NRXN3: variants seen among roughly 807,000 people sequenced by gnomAD.
The protein encoded by NRXN3 is neurexin 3, also known as neurexin III.
NRXN3 carries 32 observed loss-of-function variants against 137.6 expected under a neutral mutation model. The ratio of observed to expected loss-of-function variants is 0.23; its 90% CI spans 0.18 to 0.31. The LOEUF is 0.31. Ranked by LOEUF, NRXN3 falls within the 10% of genes least tolerant of loss-of-function variation. The pLI is 1.00. For missense variants in NRXN3, 1,574 were observed against 2,062.5 expected (o/e 0.76, Z 4.59); for synonymous variants, 798 against 784.5 (o/e 1.02, Z -0.29).
chr14:79,585,450 G>A (rs1420744788), intron 16 of NRXN3, among the ~76,000 whole-genome samples: 2 of 152,014 alleles, frequency 1.3e-5, no homozygotes, highest in African/African-American at 4.8e-5. Context: ...ACTTTGGGAG[G>A]CCAGGGCAGG....
chr14:78,909,348 GGGCT>G (rs1433478612), intron 10 of NRXN3, among the ~76,000 whole-genome samples: 11 of 152,192 alleles, frequency 7.2e-5, no homozygotes, highest in Admixed American at 5.2e-4. Context: ...ACAGTTTTTT[GGGCT>G]GCTCAAGGCA....
chr14:78,852,326 T>C (rs2099044871), intron 10 of NRXN3, among the ~76,000 whole-genome samples: 1 of 152,230 alleles, frequency 6.6e-6, no homozygotes, highest in Non-Finnish European at 1.5e-5. Context: ...TTCTTGTTGC[T>C]GCTGTTGTAG....
intron 19 of NRXN3, among the ~76,000 whole-genome samples, chr14:79,797,162 T>C (rs1568284670): frequency 6.6e-6 from 1 of 152,136 alleles, no homozygotes; most frequent in Non-Finnish European, 1.5e-5. Flanking sequence ...TTAATTCAGT[T>C]TTAGAGAGCT....
intron 8 of NRXN3, among the ~76,000 whole-genome samples, chr14:78,778,820 C>G (rs951550680): frequency 9.3e-5 from 7 of 75,260 alleles, no homozygotes; most frequent in African/African-American, 2.5e-4. Context: ...TTCTTTCTTT[C>G]TTTTCCTTCT....
At chr14:78,437,929 T>C (rs901332929) in intron 4 of NRXN3, among the ~76,000 whole-genome samples, 2 of 152,176 alleles carry the variant, frequency 1.3e-5, no homozygotes, top group African/African-American at 4.8e-5. Context: ...AGAGTAGGGT[T>C]ATTCTGCAAA....
At chr14:78,535,364 A>G (rs2096525438) in intron 4 of NRXN3, among the ~76,000 whole-genome samples, 1 of 152,212 alleles carries the variant, frequency 6.6e-6, no homozygotes, top group South Asian at 2.1e-4. Flanking sequence ...GCACCTCCCC[A>G]TTCATACCTA....
rs2099416652 is a variant in NRXN3, at chr14:79,864,008, T to G, written c.*2044T>G. 6.6e-6 allele frequency: 1 copy of G among 152,538 alleles called. No homozygotes were observed. Among genetic ancestry groups the G allele is most frequent in the African/African-American group, 2.4e-5 (1 of 41,464 alleles). 9.4% of individuals were successfully genotyped at this position (152,538 alleles called of 1,614,324 possible). ...TTCAATGTGTTAAGAGTTTAATTTT[T>G]TTGTTATCATTAAAAAAGACAGGAT... On this transcript the variant is annotated 3_prime_UTR_variant, in exon 21 of 21. Coordinates refer to ENST00000335750, the MANE Select transcript of NRXN3 (RefSeq NM_001330195.2).
intron 8 of NRXN3, among the ~76,000 whole-genome samples, chr14:78,768,441 G>C (rs1335143771): frequency 3.3e-5 from 5 of 152,020 alleles, no homozygotes; most frequent in African/African-American, 1.2e-4. Context: ...TTTTAATAGG[G>C]GTCCTTAGTC....
At chr14:79,519,356 A>G (rs1433543463) in intron 16 of NRXN3, among the ~76,000 whole-genome samples, 1 of 152,064 alleles carries the variant, frequency 6.6e-6, no homozygotes, top group Admixed American at 6.6e-5. Flanking sequence ...TTTTTGTAAC[A>G]GAAACTTTAA....
intron 15 of NRXN3, among the ~76,000 whole-genome samples, chr14:79,194,265 A>C (rs1187701275): frequency 1.3e-5 from 2 of 152,204 alleles, no homozygotes; most frequent in African/African-American, 4.8e-5. Flanking sequence ...GCATACATAT[A>C]TCTTCTCTGA....
intron 4 of NRXN3, chr14:78,403,790 C>T (rs537918097): frequency 2.4e-4 from 232 of 985,422 alleles, no homozygotes; most frequent in Non-Finnish European, 2.7e-4. Context: ...TCCCTCTCTT[C>T]GTTGTTTCTG....
chr14:78,911,693 C>G (rs1408425049), intron 10 of NRXN3, among the ~76,000 whole-genome samples: 1 of 152,096 alleles, frequency 6.6e-6, no homozygotes, highest in Non-Finnish European at 1.5e-5. Context: ...CACATTTCAC[C>G]TTGCTTCCCA....
chr14:78,815,694 T>C (rs931685156), intron 10 of NRXN3, among the ~76,000 whole-genome samples: 2 of 152,084 alleles, frequency 1.3e-5, no homozygotes, highest in African/African-American at 2.4e-5. Flanking sequence ...TACAAGAATA[T>C]GTTATTTCAT....
intron 15 of NRXN3, among the ~76,000 whole-genome samples, chr14:79,112,456 T>C (rs933676013): frequency 1.3e-5 from 2 of 152,234 alleles, no homozygotes; most frequent in Admixed American, 6.5e-5. Context: ...GTCTGTTCCT[T>C]CCTTCTGTAA....
chr14:79,380,443 C>T (rs187148612), intron 15 of NRXN3, among the ~76,000 whole-genome samples: 155 of 150,232 alleles, frequency 1.0e-3, no homozygotes, highest in African/African-American at 3.3e-3. Flanking sequence ...TGAGAACATG[C>T]GGTGTTCGGT....
chr14:79,419,841 C>T (rs1008849209), intron 15 of NRXN3, among the ~76,000 whole-genome samples: 3 of 152,134 alleles, frequency 2.0e-5, no homozygotes, highest in Admixed American at 6.5e-5. Flanking sequence ...TGGCTCATAA[C>T]TGGGAGCTCT....
intron 2 of NRXN3, among the ~76,000 whole-genome samples, chr14:78,267,809 G>A (rs2072029285): frequency 6.6e-6 from 1 of 152,216 alleles, no homozygotes; most frequent in South Asian, 2.1e-4. Flanking sequence ...AGAAGACCAT[G>A]TAGGACCACA....
At chr14:79,446,250 T>C (rs1347258534) in intron 15 of NRXN3, among the ~76,000 whole-genome samples, 1 of 152,220 alleles carries the variant, frequency 6.6e-6, no homozygotes, top group East Asian at 1.9e-4. Flanking sequence ...CCTGTTGTTG[T>C]TTCTCAGCCC....
intron 16 of NRXN3, among the ~76,000 whole-genome samples, chr14:79,662,717 G>A (rs1330662420): frequency 6.6e-6 from 1 of 152,106 alleles, no homozygotes; most frequent in East Asian, 1.9e-4. Flanking sequence ...ATGGCAAATA[G>A]GGGAGGAAGA....
Sources: gnomAD v4.1 joint callset for allele counts (sites outside exome capture counted in the v4.1 genomes callset) on GRCh38, gnomAD v4.1.1 for gene constraint, MANE v1.5 for transcripts, NCBI Gene and HGNC (gene_info 2026-07-23, HGNC 2026-07-21) for gene names.